The following RAB31 variants were observed in gnomAD, a reference collection of about 807,000 sequenced individuals.
The protein encoded by RAB31 is RAB31, member RAS oncogene family, also known as ras-related protein Rab-31.
In RAB31, 21 loss-of-function variants were observed where a neutral mutation model predicts 25.6. The observed-to-expected ratio is 0.82, with a 90% CI of 0.58 to 1.18. The LOEUF is 1.18. RAB31 is among the 50% of genes most tolerant of loss of function. The pLI, the probability that RAB31 is intolerant of heterozygous loss-of-function variation, is 0.00. For missense variants in RAB31, 196 were observed against 250.1 expected (o/e 0.78, Z 1.46); for synonymous variants, 87 against 84.0 (o/e 1.04, Z -0.20).
intron 5 of RAB31, among the ~76,000 whole-genome samples, chr18:9,841,102 T>C (rs2068731232): frequency 6.6e-6 from 1 of 152,036 alleles, no homozygotes; most frequent in Admixed American, 6.5e-5. Flanking sequence ...GGCTAATTTT[T>C]CCTATTTTTT....
At chr18:9,753,493 C>A (rs745696819) in intron 1 of RAB31, among the ~76,000 whole-genome samples, 2 of 152,236 alleles carry the variant, frequency 1.3e-5, no homozygotes, top group Non-Finnish European at 2.9e-5. Flanking sequence ...CAACCTTGGA[C>A]TCTCAGTCTC....
intron 3 of RAB31, chr18:9,797,294 GTTGCTTTTGCAGCTGCCT>G (rs1326548962): frequency 6.6e-6 from 1 of 152,186 alleles, no homozygotes; most frequent in Non-Finnish European, 1.5e-5. Flanking sequence ...CTATGAAATA[GTTGCTTTTGCAGCTGCCT>G]TTAATGAACA....
At chr18:9,850,313 T>G (rs1348012517) in intron 6 of RAB31, among the ~76,000 whole-genome samples, 1 of 152,182 alleles carries the variant, frequency 6.6e-6, no homozygotes, top group Non-Finnish European at 1.5e-5. Context: ...TTTTTAGAGA[T>G]GAGGTCTCGC....
chr18:9,749,884 T>G (rs1002923178), intron 1 of RAB31, among the ~76,000 whole-genome samples: 1 of 152,168 alleles, frequency 6.6e-6, no homozygotes, highest in African/African-American at 2.4e-5. Context: ...CTTTATGGGT[T>G]GCCCTGCCAC....
At chr18:9,722,141 C>T (rs146709944) in intron 1 of RAB31, among the ~76,000 whole-genome samples, 2 of 152,176 alleles carry the variant, frequency 1.3e-5, no homozygotes, top group East Asian at 1.9e-4. Flanking sequence ...GGATCAGGCG[C>T]GGTCTTGCGG....
intron 3 of RAB31, among the ~76,000 whole-genome samples, chr18:9,793,037 A>T (rs1394033127): frequency 6.6e-6 from 1 of 152,248 alleles, no homozygotes; most frequent in Admixed American, 6.5e-5. Flanking sequence ...GACGAATACT[A>T]GCACAGTGTC....
At chr18:9,802,278 TTAAACCTG>T (rs1187483011) in intron 3 of RAB31, among the ~76,000 whole-genome samples, 6 of 152,254 alleles carry the variant, frequency 3.9e-5, no homozygotes, top group African/African-American at 1.4e-4. Context: ...TACCTGCTCC[TTAAACCTG>T]TAAATTATCA....
chr18:9,742,724 G>C (rs2068185824), intron 1 of RAB31, among the ~76,000 whole-genome samples: 1 of 152,296 alleles, frequency 6.6e-6, no homozygotes, highest in East Asian at 1.9e-4. Context: ...GAAAGGGAAT[G>C]AAATCCTTCT....
chr18:9,716,155 C>T (rs2068043461), intron 1 of RAB31, among the ~76,000 whole-genome samples: 1 of 152,118 alleles, frequency 6.6e-6, no homozygotes, highest in Non-Finnish European at 1.5e-5. Context: ...AGTTCCCCTT[C>T]TTTTTTCCCC....
chr18:9,779,943 G>A (rs2068393378), intron 2 of RAB31, among the ~76,000 whole-genome samples: 1 of 152,216 alleles, frequency 6.6e-6, no homozygotes, highest in South Asian at 2.1e-4. Flanking sequence ...GGGAGGCTGA[G>A]GCAGGTGGAA....
chr18:9,776,948 G>C (rs2068375152), intron 2 of RAB31, among the ~76,000 whole-genome samples: 1 of 152,058 alleles, frequency 6.6e-6, no homozygotes, highest in East Asian at 1.9e-4. Flanking sequence ...GACGCTCAAA[G>C]GTAATACTCA....
intron 1 of RAB31, among the ~76,000 whole-genome samples, chr18:9,723,248 A>G (rs2068081340): frequency 6.6e-6 from 1 of 151,982 alleles, no homozygotes; most frequent in African/African-American, 2.4e-5. Flanking sequence ...GGGTTTCACC[A>G]TGTTGTCCAG....
intron 2 of RAB31, among the ~76,000 whole-genome samples, chr18:9,780,092 C>T (rs1464499098): frequency 2.6e-5 from 4 of 151,728 alleles, no homozygotes; most frequent in African/African-American, 9.7e-5. Context: ...AGGAGGATCA[C>T]CTGAGACCTG....
chr18:9,768,711 T>A (rs2068329036), intron 1 of RAB31, among the ~76,000 whole-genome samples: 1 of 152,234 alleles, frequency 6.6e-6, no homozygotes, highest in Non-Finnish European at 1.5e-5. Context: ...TTAGCTCTCA[T>A]TTGTCAACTT....
At chr18:9,768,951 A>T (rs896103375) in intron 1 of RAB31, among the ~76,000 whole-genome samples, 3 of 152,208 alleles carry the variant, frequency 2.0e-5, no homozygotes, top group Non-Finnish European at 4.4e-5. Context: ...TTAAATAGGG[A>T]ATCCTTTCCC....
chr18:9,776,862 T>C (rs543421632), intron 2 of RAB31, among the ~76,000 whole-genome samples: 1 of 152,242 alleles, frequency 6.6e-6, no homozygotes, highest in Admixed American at 6.5e-5. Context: ...ATGCTTGCTG[T>C]GCAGGTTGAG....
intron 3 of RAB31, among the ~76,000 whole-genome samples, chr18:9,800,084 C>T (rs545365497): frequency 9.2e-5 from 14 of 152,290 alleles, no homozygotes; most frequent in East Asian, 5.8e-4. Context: ...GGTCCATAGC[C>T]GACAGAAGGT....
chr18:9,842,283 AT>A (rs1251619439), intron 5 of RAB31, among the ~76,000 whole-genome samples: 2 of 152,152 alleles, frequency 1.3e-5, no homozygotes, highest in African/African-American at 4.8e-5. Context: ...GGGCTGAAAG[AT>A]TCAACCCTCT....
At chr18:9,789,249 G>A (rs2068448173) in intron 2 of RAB31, among the ~76,000 whole-genome samples, 1 of 152,202 alleles carries the variant, frequency 6.6e-6, no homozygotes, top group African/African-American at 2.4e-5. Flanking sequence ...GGGAAGGATA[G>A]GGAGAGCTTG....
Sources: gnomAD v4.1 joint callset for allele counts (sites outside exome capture counted in the v4.1 genomes callset) on GRCh38, gnomAD v4.1.1 for gene constraint, MANE v1.5 for transcripts, NCBI Gene and HGNC (gene_info 2026-07-23, HGNC 2026-07-21) for gene names.